CKAP5: variants seen among roughly 807,000 people sequenced by gnomAD.
The protein encoded by CKAP5 is cytoskeleton associated protein 5, also known as cytoskeleton-associated protein 5.
Under a neutral mutation model 232.8 loss-of-function variants are expected in CKAP5, and 27 were observed. That is an observed-to-expected ratio of 0.12 (90% confidence interval 0.09 to 0.16). The LOEUF (loss-of-function observed/expected upper bound fraction) is 0.16, where lower values mean the gene tolerates loss of function less well. CKAP5 is among the 10% of genes least tolerant of loss of function. The pLI, the probability that CKAP5 is intolerant of heterozygous loss-of-function variation, is 1.00. For missense variants in CKAP5, 1,838 were observed against 2,424.7 expected, an observed-to-expected ratio of 0.76 and a Z score of 5.08; for synonymous variants, 785 against 841.1, an observed-to-expected ratio of 0.93 and a Z score of 1.16.
At chr11:46,841,076 C>A (rs767149512) in intron 1 of CKAP5, among the ~76,000 whole-genome samples, 13 of 151,990 alleles carry the variant, frequency 8.6e-5, no homozygotes. Context: ...CAAGACCAGC[C>A]TGGCCAAAAT....
rs1223732523 is a variant in CKAP5, at chr11:46,762,761, A to G, written c.3893T>C (p.Val1298Ala). Residue 1298 changes from valine (V) to alanine (A), a missense_variant and splice_region_variant, in exon 31 of 44, where the codon GTT (valine) becomes GCT (alanine). Val to Ala is a moderately conservative substitution (Grantham distance 64, BLOSUM62 0). This residue lies in a region of CKAP5 where 48 missense variants were observed against 98.1 expected (regional missense o/e 0.49). Coordinates refer to ENST00000529230, the MANE Select transcript of CKAP5 (RefSeq NM_001008938.4). ...ACGAATGACATCCTTTGGTTCTCCAACCTAGTCGATAAGGAAAATAATGAT... is the reference window on the plus strand; with the variant it reads ...ACGAATGACATCCTTTGGTTCTCCAGCCTAGTCGATAAGGAAAATAATGAT... ...SSFIPYLVVKVGEPKDVIRKD... is the reference protein window; with the variant it reads ...SSFIPYLVVKAGEPKDVIRKD... 1 of 1,613,598 alleles carries G rather than the reference A, an allele frequency of 6.2e-7. No homozygotes were observed. The highest frequency in any genetic ancestry group is 8.5e-7 in the Non-Finnish European group (1 of 1,179,748).
At chr11:46,789,567 C>T (rs1565736556) in intron 15 of CKAP5, among the ~76,000 whole-genome samples, 4 of 152,022 alleles carry the variant, frequency 2.6e-5, no homozygotes, top group Non-Finnish European at 4.4e-5. Context: ...GAGGCTGAGG[C>T]GGGCGGATCA....
intron 2 of CKAP5, among the ~76,000 whole-genome samples, chr11:46,818,991 C>G (rs1187400334): frequency 2.6e-5 from 4 of 152,074 alleles, no homozygotes; most frequent in Non-Finnish European, 5.9e-5. Flanking sequence ...ATTTATTCAA[C>G]AGGTGTTTAA....
chr11:46,763,474 G>A lies in CKAP5; in HGVS notation c.3687+7C>T. ...AATACATGTATATTTATCTATTGCA[G>A]ACTTACATCAACCATAACAGCAAGG... On this transcript the variant is annotated splice_region_variant and intron_variant, in intron 29 of 43. Coordinates refer to ENST00000529230, the MANE Select transcript of CKAP5 (RefSeq NM_001008938.4). 1.3e-6 allele frequency: 2 copies of A among 1,585,418 alleles called. No homozygotes were observed. The highest frequency in any genetic ancestry group is 1.9e-5 in the Admixed American group (1 of 51,400).
chr11:46,802,545 G>GAC (rs1329373513), intron 8 of CKAP5, among the ~76,000 whole-genome samples: 3 of 134,856 alleles, frequency 2.2e-5, no homozygotes, highest in South Asian at 2.2e-4. Context: ...CAGACAGACA[G>GAC]ACAGACAGAC....
At chr11:46,833,270 T>A (rs1407927744) in intron 1 of CKAP5, among the ~76,000 whole-genome samples, 1 of 151,946 alleles carries the variant, frequency 6.6e-6, no homozygotes, top group African/African-American at 2.4e-5. Flanking sequence ...GTTTCAGGCA[T>A]GTGTGTGGAT....
intron 1 of CKAP5, among the ~76,000 whole-genome samples, chr11:46,837,010 G>A (rs1939932783): frequency 1.3e-5 from 2 of 152,190 alleles, no homozygotes; most frequent in South Asian, 4.2e-4. Flanking sequence ...ACCAAAGGGG[G>A]TGGGAAAAAG....
chr11:46,759,818 C>G (rs2065140780), intron 33 of CKAP5, among the ~76,000 whole-genome samples: 1 of 152,172 alleles, frequency 6.6e-6, no homozygotes, highest in Non-Finnish European at 1.5e-5. Flanking sequence ...TTTAGACTGG[C>G]TGGTTCTTTT....
chr11:46,749,991 T>C (rs1384714461), intron 42 of CKAP5, among the ~76,000 whole-genome samples: 2 of 138,042 alleles, frequency 1.4e-5, no homozygotes, highest in African/African-American at 2.7e-5. Flanking sequence ...CAAGAAGGAA[T>C]AGCCAGTGAG....
At chr11:46,785,587 A>G (rs1310573373) in intron 16 of CKAP5, among the ~76,000 whole-genome samples, 3 of 152,044 alleles carry the variant, frequency 2.0e-5, no homozygotes, top group African/African-American at 7.2e-5. Context: ...GTGGGATCTC[A>G]CCTCAGCCTC....
intron 1 of CKAP5, among the ~76,000 whole-genome samples, chr11:46,843,054 C>T (rs1258205182): frequency 6.7e-6 from 1 of 150,080 alleles, no homozygotes; most frequent in Non-Finnish European, 1.5e-5. Context: ...GAGGCCAAGA[C>T]AGGATGATCA....
intron 8 of CKAP5, 141 bp from the exon 9 acceptor site, chr11:46,801,445 G>A: frequency 1.7e-6 from 1 of 571,534 alleles, no homozygotes; most frequent in Non-Finnish European, 3.2e-6. Context: ...CAAGGTGGGT[G>A]GACCACCTGA....
intron 33 of CKAP5, 90 bp downstream of exon 33, chr11:46,760,522 A>G: frequency 1.6e-6 from 2 of 1,271,616 alleles, no homozygotes; most frequent in South Asian, 1.3e-5. Context: ...AATGGCTACA[A>G]GAACTCAAGA....
chr11:46,817,377 T>C lies in CKAP5; in HGVS notation c.251+933A>G, dbSNP rs1290238997. ...ACCTTTAATAATAAAAGACTACTCT[T>C]GACTCCTTAATAAGACTTTACAATA... On this transcript the variant is annotated intron_variant, in intron 3 of 43. Coordinates refer to ENST00000529230, the MANE Select transcript of CKAP5 (RefSeq NM_001008938.4). Among the ~76,000 whole-genome samples the C allele has an allele frequency of 2.6e-5, 4 of 152,210 alleles. No individual in the cohort carries two copies. The East Asian group carries it at 7.7e-4, about 29-fold the overall frequency.
chr11:46,770,996 T>A lies in CKAP5; in HGVS notation c.2992-14A>T. 1 of 1,606,870 alleles carries A rather than the reference T, an allele frequency of 6.2e-7. No individual in the cohort carries two copies. The highest frequency in any genetic ancestry group is 2.2e-5 in the East Asian group (1 of 44,770). Reference sequence around the variant, plus strand: ...CCAGCCCAGAAGCTGCCAAAAGAAATAAAGACTAGTTACACACTTCAAATG... The same window carrying A: ...CCAGCCCAGAAGCTGCCAAAAGAAAAAAAGACTAGTTACACACTTCAAATG... On this transcript the variant is annotated splice_polypyrimidine_tract_variant and intron_variant, in intron 24 of 43. Transcript: ENST00000529230.
At chr11:46,781,118 T>C (rs901488604) in intron 18 of CKAP5, among the ~76,000 whole-genome samples, 1 of 152,308 alleles carries the variant, frequency 6.6e-6, no homozygotes. Flanking sequence ...ACCAAACTCC[T>C]GATTGTCCTC....
chr11:46,842,263 G>A (rs1007231337), intron 1 of CKAP5, among the ~76,000 whole-genome samples: 1 of 152,004 alleles, frequency 6.6e-6, no homozygotes, highest in Non-Finnish European at 1.5e-5. Context: ...GAAACCAGGG[G>A]GTACAATGTG....
intron 16 of CKAP5, among the ~76,000 whole-genome samples, chr11:46,786,237 G>A (rs2065391741): frequency 6.6e-6 from 1 of 152,172 alleles, no homozygotes; most frequent in African/African-American, 2.4e-5. Flanking sequence ...GGACAGTGAG[G>A]TTTCTGGTGA....
intron 25 of CKAP5, 33 bp from the exon 26 acceptor site, chr11:46,770,131 G>C (rs372070483): frequency 6.2e-7 from 1 of 1,604,964 alleles, no homozygotes; most frequent in African/African-American, 1.3e-5. Flanking sequence ...AAAGTGAGAG[G>C]TCACATAAAT....
Sources: allele counts gnomAD v4.1 joint callset (sites outside exome capture counted in the v4.1 genomes callset), GRCh38; gene constraint gnomAD v4.1.1; regional missense constraint gnomAD v4.1.1; transcripts MANE v1.5; gene names NCBI Gene and HGNC (gene_info 2026-07-23, HGNC 2026-07-21).